STPG2: variants seen among roughly 807,000 people sequenced by gnomAD.
The protein encoded by STPG2 is sperm tail PG-rich repeat containing 2, also known as sperm-tail PG-rich repeat-containing protein 2.
STPG2 carries 56 observed loss-of-function variants against 54.2 expected under a neutral mutation model. The ratio of observed to expected loss-of-function variants is 1.03; its 90% CI spans 0.83 to 1.29. The LOEUF is 1.29. STPG2 is among the 50% of genes most tolerant of loss of function. The pLI is 0.00. For missense variants in STPG2, 596 were observed against 544.9 expected (o/e 1.09, Z -0.93); for synonymous variants, 200 against 181.8 (o/e 1.10, Z -0.81).
chr4:97,840,635 G>T, intron 9 of STPG2, 138 bp downstream of exon 9: 1 of 897,672 alleles, frequency 1.1e-6, no homozygotes, highest in Non-Finnish European at 1.7e-6. Context: ...TTACAGCACT[G>T]ATGAGAAAAA....
chr4:98,044,659 A>T (rs1737069716), intron 5 of STPG2, among the ~76,000 whole-genome samples: 1 of 152,182 alleles, frequency 6.6e-6, no homozygotes, highest in Admixed American at 6.6e-5. Context: ...ACTGATGATG[A>T]TGCATTTTAG....
intron 4 of STPG2, 129 bp from the exon 5 acceptor site, chr4:98,106,193 T>A: frequency 1.5e-6 from 1 of 653,010 alleles, no homozygotes; most frequent in Non-Finnish European, 2.3e-6. Flanking sequence ...ATTATCTAGG[T>A]ATATTAGACC....
chr4:98,116,881 A>C (rs921365431), intron 3 of STPG2, among the ~76,000 whole-genome samples: 1 of 152,110 alleles, frequency 6.6e-6, no homozygotes, highest in South Asian at 2.1e-4. Context: ...TTATAGCATG[A>C]AACAATCCAT....
intron 9 of STPG2, among the ~76,000 whole-genome samples, chr4:97,816,420 G>A (rs571568269): frequency 6.6e-6 from 1 of 152,204 alleles, no homozygotes; most frequent in African/African-American, 2.4e-5. Context: ...TGGGTCAAAT[G>A]GTATTTCTGG....
intron 8 of STPG2, among the ~76,000 whole-genome samples, chr4:97,883,582 G>C (rs150918918): frequency 6.6e-6 from 1 of 151,826 alleles, no homozygotes; most frequent in African/African-American, 2.4e-5. Flanking sequence ...CAAAACAAGT[G>C]TTAGAAATGA....
chr4:97,594,524 T>C (rs1733230890), intron 10 of STPG2, among the ~76,000 whole-genome samples: 1 of 152,184 alleles, frequency 6.6e-6, no homozygotes, highest in South Asian at 2.1e-4. Context: ...TACATCTCAC[T>C]GGCATCCCTG....
chr4:97,461,584 T>A (rs905074111), intron 4 of STPG2, among the ~76,000 whole-genome samples: 11 of 152,142 alleles, frequency 7.2e-5, no homozygotes, highest in Non-Finnish European at 1.3e-4. Context: ...GATCTCAGAT[T>A]TCTAGCAAAC....
At chr4:97,685,344 A>G (rs1723156496) in intron 10 of STPG2, among the ~76,000 whole-genome samples, 1 of 152,182 alleles carries the variant, frequency 6.6e-6, no homozygotes, top group South Asian at 2.1e-4. Flanking sequence ...TGGATAAACT[A>G]TGGAACATCC....
At chr4:97,961,834 TG>T (rs775573532) in intron 7 of STPG2, among the ~76,000 whole-genome samples, 3 of 152,220 alleles carry the variant, frequency 2.0e-5, no homozygotes, top group Non-Finnish European at 2.9e-5. Flanking sequence ...AACTACCATT[TG>T]ATCCAGCAAT....
intron 9 of STPG2, among the ~76,000 whole-genome samples, chr4:97,803,688 G>A (rs547154944): frequency 5.1e-4 from 77 of 152,078 alleles, no homozygotes; most frequent in Non-Finnish European, 7.8e-4. Flanking sequence ...CTACAAGTGC[G>A]TGCCACCATG....
At chr4:97,490,088 T>C (rs1426866299) in intron 4 of STPG2, 1 of 151,500 alleles carries the variant, frequency 6.6e-6, no homozygotes, top group Non-Finnish European at 1.5e-5. Flanking sequence ...TAGATTTCAA[T>C]GGCAGCTAGT....
At chr4:97,740,775 T>C (rs1456039582) in intron 9 of STPG2, among the ~76,000 whole-genome samples, 1 of 152,114 alleles carries the variant, frequency 6.6e-6, no homozygotes, top group Non-Finnish European at 1.5e-5. Flanking sequence ...ATCGTGAAAA[T>C]GGCAATACTG....
chr4:97,460,568 C>G (rs780285122), intron 4 of STPG2, among the ~76,000 whole-genome samples: 6 of 151,986 alleles, frequency 3.9e-5, no homozygotes, highest in Non-Finnish European at 8.8e-5. Context: ...GCATGTTTAA[C>G]CTTCTTAAAC....
chr4:98,116,185 T>C (rs1304917015), intron 3 of STPG2, among the ~76,000 whole-genome samples: 1 of 151,756 alleles, frequency 6.6e-6, no homozygotes, highest in Non-Finnish European at 1.5e-5. Context: ...GGGAAAGGAT[T>C]TTATACATGC....
At chr4:98,131,928 T>C (rs2110165803) in intron 2 of STPG2, among the ~76,000 whole-genome samples, 1 of 152,242 alleles carries the variant, frequency 6.6e-6, no homozygotes, top group Admixed American at 6.5e-5. Flanking sequence ...TGCCTTCACA[T>C]AATATAGTAG....
intron 5 of STPG2, among the ~76,000 whole-genome samples, chr4:98,017,945 G>C (rs978273779): frequency 1.3e-5 from 2 of 152,082 alleles, no homozygotes; most frequent in South Asian, 4.1e-4. Flanking sequence ...TGCCATGATT[G>C]TAAGTTTCCT....
chr4:97,674,067 C>T (rs747445556), intron 10 of STPG2, among the ~76,000 whole-genome samples: 2 of 152,098 alleles, frequency 1.3e-5, no homozygotes, highest in Non-Finnish European at 2.9e-5. Flanking sequence ...AAATGTGTTA[C>T]CTGCCTTAAG....
chr4:98,034,166 CTGTT>C (rs1292755672), intron 5 of STPG2, among the ~76,000 whole-genome samples: 1 of 152,192 alleles, frequency 6.6e-6, no homozygotes, highest in Non-Finnish European at 1.5e-5. Context: ...CAAATTGTCT[CTGTT>C]TGCAGATGAC....
chr4:97,675,279 A>C (rs1345781769), intron 10 of STPG2, among the ~76,000 whole-genome samples: 1 of 152,180 alleles, frequency 6.6e-6, no homozygotes, highest in Non-Finnish European at 1.5e-5. Context: ...CTGGGATTAC[A>C]GGCATGAGCC....
Sources: gnomAD v4.1 joint callset for allele counts (sites outside exome capture counted in the v4.1 genomes callset) on GRCh38, gnomAD v4.1.1 for gene constraint, MANE v1.5 for transcripts, NCBI Gene and HGNC (gene_info 2026-07-23, HGNC 2026-07-21) for gene names.